Variants in SPACA7 observed in about 807,000 individuals in gnomAD.
SPACA7 encodes the protein sperm acrosome-associated protein 7.
Under a neutral mutation model 26.3 loss-of-function variants are expected in SPACA7, and 19 were observed. That is an observed-to-expected ratio of 0.72 (90% CI 0.50 to 1.06). The LOEUF is 1.06. Ranked by LOEUF, SPACA7 falls within the 50% of genes least tolerant of loss-of-function variation. SPACA7 has a pLI of 0.00. For missense variants in SPACA7, 211 were observed against 229.9 expected (o/e 0.92, Z 0.53); for synonymous variants, 84 against 84.5 (o/e 0.99, Z 0.04).
At chr13:112,387,572 A>C (rs536604326) in intron 1 of SPACA7, among the ~76,000 whole-genome samples, 1 of 152,356 alleles carries the variant, frequency 6.6e-6, no homozygotes, top group Non-Finnish European at 1.5e-5. Context: ...CCATTTACTC[A>C]GAGAAAGAGA....
intron 1 of SPACA7, chr13:112,378,869 G>A (rs945112917): frequency 8.1e-6 from 3 of 369,890 alleles, no homozygotes; most frequent in Non-Finnish European, 1.7e-5. Flanking sequence ...ATCGTGTCCT[G>A]TTGCAAGGAG....
At chr13:112,410,107 A>T (rs1886248455) in intron 5 of SPACA7, among the ~76,000 whole-genome samples, 1 of 152,180 alleles carries the variant, frequency 6.6e-6, no homozygotes, top group South Asian at 2.1e-4. Context: ...TCATCAAACT[A>T]TCGCAAGGAC....
intron 5 of SPACA7, among the ~76,000 whole-genome samples, chr13:112,416,282 GTTGTTGT>G (rs1351806383): frequency 0.025 from 2,071 of 82,300 alleles, 51 homozygotes; most frequent in African/African-American, 0.11. Flanking sequence ...AGTTGTTGTT[GTTGTTGT>G]TTGTTGTTGT....
intron 2 of SPACA7, among the ~76,000 whole-genome samples, chr13:112,394,240 C>T (rs960581992): frequency 3.3e-5 from 5 of 152,166 alleles, no homozygotes; most frequent in Non-Finnish European, 5.9e-5. Flanking sequence ...GAAACTGAGG[C>T]CCAGAATGCT....
chr13:112,378,114 C>T lies in SPACA7; in HGVS notation c.94+1635C>T, dbSNP rs568207407. Among the ~76,000 whole-genome samples, 56 of 152,122 alleles carry T rather than the reference C, an allele frequency of 3.7e-4. No individual in the cohort carries two copies. In the South Asian group the frequency reaches 9.3e-3, roughly 25 times the overall value. ...GCTTCAGCCTTTCCAGATGGTCCCACGGAAGGCCTGAGTTGTCAGGCTTTA... is the reference window on the plus strand; with the variant it reads ...GCTTCAGCCTTTCCAGATGGTCCCATGGAAGGCCTGAGTTGTCAGGCTTTA... On this transcript the variant is annotated intron_variant, in intron 1 of 6. Transcript: ENST00000283550.
At chr13:112,390,264 G>A (rs1884795808) in intron 1 of SPACA7, among the ~76,000 whole-genome samples, 1 of 152,290 alleles carries the variant, frequency 6.6e-6, no homozygotes, top group East Asian at 1.9e-4. Flanking sequence ...GAGCCAGTGT[G>A]GGGAGATCTG....
intron 5 of SPACA7, among the ~76,000 whole-genome samples, chr13:112,430,000 T>C: frequency 6.6e-6 from 1 of 152,190 alleles, no homozygotes; most frequent in Non-Finnish European, 1.5e-5. Context: ...TTATGAGGGT[T>C]TTTTAAAATG....
At chr13:112,382,238 T>C in intron 1 of SPACA7, 1 of 549,528 alleles carries the variant, frequency 1.8e-6, no homozygotes, top group Non-Finnish European at 3.1e-6. Flanking sequence ...TATAGCACCT[T>C]AATCTTTTTT....
chr13:112,434,031 G>A (rs1877477938), intron 6 of SPACA7, among the ~76,000 whole-genome samples: 1 of 152,180 alleles, frequency 6.6e-6, no homozygotes, highest in Non-Finnish European at 1.5e-5. Context: ...TACGTCACCA[G>A]CACCTCTAGG....
chr13:112,381,714 G>A (rs1023376009), intron 1 of SPACA7, among the ~76,000 whole-genome samples: 2 of 152,314 alleles, frequency 1.3e-5, no homozygotes, highest in East Asian at 3.9e-4. Context: ...CTTTGTGGGT[G>A]GAGGGAAGCC....
chr13:112,407,056 A>G lies in SPACA7; in HGVS notation c.445+5892A>G, dbSNP rs558278799. Among the ~76,000 whole-genome samples the G allele has an allele frequency of 5.9e-5, 9 of 152,358 alleles. No individual in the cohort carries two copies. The South Asian group carries it at 1.9e-3, about 32-fold the overall frequency. On this transcript the variant is annotated intron_variant, in intron 5 of 6. Transcript: ENST00000283550. Reference sequence around the variant, plus strand: ...TGCAATCAAACTAGAACTCAGGATTAAGAAACTCACTCAAAACCACTCAAC... The same window carrying G: ...TGCAATCAAACTAGAACTCAGGATTGAGAAACTCACTCAAAACCACTCAAC...
chr13:112,405,876 G>T (rs1459690286), intron 5 of SPACA7, among the ~76,000 whole-genome samples: 1 of 152,014 alleles, frequency 6.6e-6, no homozygotes, highest in Non-Finnish European at 1.5e-5. Context: ...TATCTTCGTT[G>T]TGAATTCCAA....
intron 1 of SPACA7, among the ~76,000 whole-genome samples, chr13:112,383,115 GAAAAGAAAAGAAAGAAAGAAA>G (rs1884235899): frequency 7.5e-4 from 6 of 7,976 alleles, no homozygotes; most frequent in East Asian, 7.8e-3. Context: ...GAAAAGAAAA[GAAAAGAAAAGAAAGAAAGAAA>G]GAAAGAAAGA....
intron 5 of SPACA7, among the ~76,000 whole-genome samples, chr13:112,425,644 G>GAA (rs766971233): frequency 5.3e-5 from 8 of 151,792 alleles, no homozygotes; most frequent in Admixed American, 3.9e-4. Context: ...GAGAGAGACA[G>GAA]AGAGAGAGAG....
intron 5 of SPACA7, among the ~76,000 whole-genome samples, chr13:112,403,303 C>T (rs1302307732): frequency 1.3e-5 from 2 of 152,128 alleles, no homozygotes; most frequent in Non-Finnish European, 2.9e-5. Flanking sequence ...AAAAAACTTA[C>T]TTGTTTCCAT....
At chr13:112,392,968 A>G (rs1386654506) in intron 1 of SPACA7, 53 bp from the exon 2 acceptor site, 20 of 1,526,678 alleles carry the variant, frequency 1.3e-5, no homozygotes, top group Non-Finnish European at 1.7e-5. Flanking sequence ...AAAGAGAAAA[A>G]TATGCAAATT....
At chr13:112,393,929 T>G (rs1885063828) in intron 2 of SPACA7, among the ~76,000 whole-genome samples, 1 of 146,368 alleles carries the variant, frequency 6.8e-6, no homozygotes, top group African/African-American at 2.6e-5. Flanking sequence ...GAGGTTGCAG[T>G]AAGCTGAGAT....
At chr13:112,383,127 AAGAAAGAAAGAAAGAAAGAAAGAAAG>A in intron 1 of SPACA7, among the ~76,000 whole-genome samples, 1 of 4,206 alleles carries the variant, frequency 2.4e-4, no homozygotes, top group South Asian at 6.7e-3. Context: ...AAAGAAAAGA[AAGAAAGAAAGAAAGAAAGAAAGAAAG>A]AAAGAAAGAA....
At chr13:112,394,817 A>C (rs1885130153) in intron 2 of SPACA7, among the ~76,000 whole-genome samples, 1 of 152,198 alleles carries the variant, frequency 6.6e-6, no homozygotes, top group African/African-American at 2.4e-5. Context: ...CCAGAGAAAC[A>C]GTGGCCTCAG....
Sources: allele counts gnomAD v4.1 joint callset (sites outside exome capture counted in the v4.1 genomes callset), GRCh38; gene constraint gnomAD v4.1.1; transcripts MANE v1.5; gene names NCBI Gene and HGNC (gene_info 2026-07-23, HGNC 2026-07-21).